TNS2: variants seen among roughly 807,000 people sequenced by gnomAD.
TNS2 encodes the protein tensin-2.
Under a neutral mutation model 155.7 loss-of-function variants are expected in TNS2, and 77 were observed. The observed-to-expected ratio is 0.49, with a 90% CI of 0.41 to 0.60. The LOEUF is 0.60. Among genes scored for constraint, TNS2 ranks in the 20% least tolerant of loss-of-function variants. The pLI, the probability that TNS2 is intolerant of heterozygous loss-of-function variation, is 0.00. For missense variants in TNS2, 1,703 were observed against 1,868.8 expected (o/e 0.91, Z 1.64); for synonymous variants, 726 against 763.9 (o/e 0.95, Z 0.82).
Position 53,060,464 on chromosome 12 carries a change from T to C in TNS2, c.2677T>C (p.Ser893Pro). Residue 893 changes from serine to proline, a missense_variant, in exon 19 of 29, where the codon TCT becomes CCT. Transcript: ENST00000314250. The surrounding 1 kb of genome is among the most constrained non-coding windows in gnomAD (Gnocchi z 6.1). ...GPSGHSTLPR[S>P]PRDAPCSASS... ...CAGTGGGCACAGCACACTGCCTCGG[T>C]CTCCCCGAGATGCCCCATGCAGTGC... 6.2e-7 allele frequency: 1 copy of C among 1,613,648 alleles called. No homozygotes were observed. The highest frequency in any genetic ancestry group is 8.5e-7 in the Non-Finnish European group (1 of 1,179,972).
At chr12:53,053,876 T>G (rs893370276) in intron 5 of TNS2, 64 bp downstream of exon 5, 2 of 1,613,846 alleles carry the variant, frequency 1.2e-6, no homozygotes, top group Non-Finnish European at 1.7e-6. Context: ...CTAGATTTCC[T>G]GAAGACAAAA....
rs777260226 is a variant in TNS2 at position 53,055,169 on chromosome 12, C to T, written c.523-17C>T. 9.3e-6 allele frequency: 15 copies of T among 1,613,838 alleles called. 1 individual carries two copies. The Middle Eastern group carries it at 4.9e-4, about 53-fold the overall frequency. On this transcript the variant is annotated splice_polypyrimidine_tract_variant and intron_variant, in intron 7 of 28. Transcript: ENST00000314250. The stretch of plus-strand genomic sequence containing the variant: ...CCGGAGATCATTTCTGTCTAAAGCC[C>T]TCCCCCTTTATTTCAGCTCTTCAAC...
chr12:53,058,281 G>C (rs750981292), intron 14 of TNS2, 35 bp from the exon 15 acceptor site: 16 of 1,611,706 alleles, frequency 9.9e-6, no homozygotes, highest in Non-Finnish European at 1.3e-5. Flanking sequence ...AAGAGGACAT[G>C]AGGCCTGATC....
At chr12:53,053,525 AG>A in intron 4 of TNS2, 76 bp downstream of exon 4, 3 of 1,570,362 alleles carry the variant, frequency 1.9e-6, no homozygotes, top group Non-Finnish European at 2.6e-6. Context: ...GGCTCCAGAG[AG>A]GGCCCCCAGG....
chr12:53,052,333 G>A (rs1565601875), intron 2 of TNS2, 122 bp from the exon 3 acceptor site: 3 of 1,302,516 alleles, frequency 2.3e-6, no homozygotes, highest in African/African-American at 1.5e-5. Flanking sequence ...AGCCAGCCCA[G>A]TCCAGGTGGG....
At position 53,063,236 on chromosome 12, in the gene TNS2, C is replaced by G. The variant is rs1944440061; in HGVS notation, c.3971C>G (p.Thr1324Arg). 4 of 1,612,808 alleles carry G rather than the reference C, an allele frequency of 2.5e-6. No individual in the cohort carries two copies. The highest frequency in any genetic ancestry group is 3.4e-6 in the Non-Finnish European group (4 of 1,179,456). ...VHFKVSAQGI[T>R]LTDNQRKLFF... ...TTCAAGGTGTCAGCCCAGGGCATTA[C>G]ACTGACGGACAACCAAAGGAAGTAT... Residue 1324 changes from threonine to arginine, a missense_variant, in exon 26 of 29, where the codon ACA becomes AGA. Transcript: ENST00000314250. This position sits in a 1 kb window ranked among gnomAD's most constrained non-coding sequence, Gnocchi z 5.6.
chr12:53,054,554 G>C lies in TNS2; in HGVS notation c.522+113G>C, dbSNP rs933929137. ...GCGAGGCCGCCAGGGGGCGGGACCA[G>C]AGTGGTGGGGTGGGGGCGGGGCCCG... On this transcript the variant is annotated intron_variant, in intron 7 of 28. Transcript: ENST00000314250. 16 of 1,135,990 alleles carry C rather than the reference G, an allele frequency of 1.4e-5. No individual in the cohort carries two copies. In the African/African-American group the frequency reaches 1.9e-4, roughly 14 times the overall value. The allele number at this position is 1,135,990 out of a possible 1,614,324, so 70.4% of individuals were successfully genotyped here. A position where few individuals can be genotyped will look rare whatever the true frequency, so the allele number is the denominator to read the frequency against.
Position 53,061,014 on chromosome 12 carries a change from T to C in TNS2, c.3108T>C (p.Pro1036=). 1 of 1,613,658 alleles carries C rather than the reference T, an allele frequency of 6.2e-7. No individual in the cohort carries two copies. ...SPDGSPLTPV[P]SQMPWLVASP... The stretch of plus-strand genomic sequence containing the variant: ...ATGGGTCTCCCCTCACTCCTGTGCC[T>C]TCCCAGATGCCCTGGCTTGTGGCCA... Residue 1036 remains proline, a synonymous_variant, in exon 20 of 29, where the codon CCT becomes CCC. Transcript: ENST00000314250.
intron 14 of TNS2, 54 bp from the exon 15 acceptor site, chr12:53,058,262 G>A (rs1944231964): frequency 6.2e-7 from 1 of 1,606,466 alleles, no homozygotes; most frequent in African/African-American, 1.3e-5. Context: ...CCCCAGGGTG[G>A]AAGCGCAGAA....
chr12:53,055,715 G>C, intron 9 of TNS2, 25 bp downstream of exon 9: 1 of 1,614,206 alleles, frequency 6.2e-7, no homozygotes, highest in Non-Finnish European at 8.5e-7. Flanking sequence ...CGGGTTCCCT[G>C]GTGCCTGGAG....
upstream of TNS2, chr12:53,049,318 G>A: frequency 7.5e-7 from 1 of 1,341,318 alleles, no homozygotes; most frequent in Non-Finnish European, 1.0e-6. Context: ...CAAGTTGCAG[G>A]GCTGGAAAGA....
Position 53,059,325 on chromosome 12 carries a change from G to A in TNS2, c.1684G>A (p.Ala562Thr). 1 of 1,443,732 alleles carries A rather than the reference G, an allele frequency of 6.9e-7. No individual in the cohort carries two copies. 89.4% of individuals were successfully genotyped at this position (1,443,732 alleles called of 1,614,324 possible). The change falls in exon 18 of 29, where the codon GCC becomes ACC. Residue 562 changes from alanine (A) to threonine (T), a missense_variant. Physicochemically the swap from Ala to Thr is moderately conservative, Grantham distance 58 (BLOSUM62 0). Transcript: ENST00000314250. This position sits in a 1 kb window ranked among gnomAD's most constrained non-coding sequence, Gnocchi z 4.7. The part of the protein sequence containing the change: ...SGGRGAGRET[A>T]ILDDEEQPTV... ...GGGCCGGGGAGCTGGGCGCGAGACGGCCATCCTAGATGACGAAGAGCAGCC... is the reference window on the plus strand; with the variant it reads ...GGGCCGGGGAGCTGGGCGCGAGACGACCATCCTAGATGACGAAGAGCAGCC...
In TNS2 at chr12:53,063,904, C is replaced by T. The variant is rs770573455; in HGVS notation, c.*22C>T. The T allele has an allele frequency of 1.4e-5, 22 of 1,612,204 alleles. No homozygotes were observed. The African/African-American group carries it at 2.5e-4, about 19-fold the overall frequency. On this transcript the variant is annotated 3_prime_UTR_variant, in exon 29 of 29. Coordinates refer to ENST00000314250, the MANE Select transcript of TNS2 (RefSeq NM_170754.4). The surrounding 1 kb of genome is among the most constrained non-coding windows in gnomAD (Gnocchi z 5.6). ...ATGAAGGAAGGCCACAAGCTCAGAG[C>T]CCACATCAACACTGCCCCCCTCCCA... is the stretch of plus-strand genomic sequence containing the variant.
chr12:53,063,527 T>C lies in TNS2; in HGVS notation c.4062-36T>C. 7.7e-7 allele frequency: 1 copy of C among 1,296,460 alleles called. No individual in the cohort carries two copies. The highest frequency in any genetic ancestry group is 1.0e-6 in the Non-Finnish European group (1 of 957,234). 80.3% of individuals were successfully genotyped at this position (1,296,460 alleles called of 1,614,324 possible). A position where few individuals can be genotyped will look rare whatever the true frequency, so the allele number is the denominator to read the frequency against. ...CGGCCCCCCTTCAGCAGCTGTCCCC[T>C]GGGGTGTGCATCTTCACCTTCTTCT... On this transcript the variant is annotated intron_variant, in intron 27 of 28. Transcript: ENST00000314250. This position sits in a 1 kb window ranked among gnomAD's most constrained non-coding sequence, Gnocchi z 5.6.
rs766531673 is a variant in TNS2, at chr12:53,063,924, C to G, written c.*42C>G. On this transcript the variant is annotated 3_prime_UTR_variant, in exon 29 of 29. Coordinates refer to ENST00000314250, the MANE Select transcript of TNS2 (RefSeq NM_170754.4). The surrounding 1 kb of genome is among the most constrained non-coding windows in gnomAD (Gnocchi z 5.6). ...CAGAGCCCACATCAACACTGCCCCC[C>G]TCCCAGCACCCCACAGCCCTCACAT... 16 of 1,602,424 alleles carry G rather than the reference C, an allele frequency of 1.0e-5. No homozygotes were observed. Among genetic ancestry groups the G allele is most frequent in the Admixed American group, 5.0e-5 (3 of 59,568 alleles).
intron 7 of TNS2, 26 bp downstream of exon 7, chr12:53,054,467 C>T: frequency 1.9e-6 from 3 of 1,575,932 alleles, no homozygotes; most frequent in South Asian, 1.1e-5. Context: ...ATCAGGAGTC[C>T]GCCAATGAGA....
intron 22 of TNS2, 76 bp from the exon 23 acceptor site, chr12:53,062,077 C>A: frequency 5.6e-6 from 9 of 1,610,588 alleles, no homozygotes; most frequent in Non-Finnish European, 7.6e-6. Flanking sequence ...CTCAGCTGCT[C>A]GGGAAAGAAT....
intron 3 of TNS2, 149 bp downstream of exon 3, chr12:53,052,641 C>A: frequency 1.8e-6 from 2 of 1,095,772 alleles, no homozygotes; most frequent in Non-Finnish European, 2.7e-6. Flanking sequence ...GGGTGCTGTA[C>A]TGGGCCCTTT....
chr12:53,060,266 G>A lies in TNS2; in HGVS notation c.2617+8G>A, dbSNP rs749112011. On this transcript the variant is annotated splice_region_variant and intron_variant, in intron 18 of 28. Transcript: ENST00000314250. This position sits in a 1 kb window ranked among gnomAD's most constrained non-coding sequence, Gnocchi z 6.1. ...GACCTTTGGCATCTGCAGGTGAGGG[G>A]CACCAGAGTGCGGAGTGCCCAGGGC... The A allele has an allele frequency of 2.1e-5, 33 of 1,537,030 alleles. No homozygotes were observed. Among genetic ancestry groups the A allele is most frequent in the Non-Finnish European group, 2.9e-5 (33 of 1,141,500 alleles).
Sources: gnomAD v4.1 joint callset for allele counts on GRCh38, gnomAD v4.1.1 for gene constraint, Gnocchi (gnomAD v3.1) non-coding constraint, MANE v1.5 for transcripts, NCBI Gene and HGNC (gene_info 2026-07-23, HGNC 2026-07-21) for gene names.